MYH15: variants seen among roughly 807,000 people sequenced by gnomAD.
MYH15 encodes myosin heavy chain 15.
MYH15 carries 227 observed loss-of-function variants against 240.5 expected under a neutral mutation model. The ratio of observed to expected loss-of-function variants is 0.94; its 90% CI spans 0.85 to 1.05. The LOEUF (loss-of-function observed/expected upper bound fraction) is 1.05. Ranked by LOEUF, MYH15 falls within the 50% of genes least tolerant of loss-of-function variation. The probability of loss-of-function intolerance (pLI) is 0.00; values close to 1 mark genes in which losing one functional copy is unlikely to be tolerated. For missense variants in MYH15, 2,217 were observed against 2,247.5 expected, an observed-to-expected ratio of 0.99 and a Z score of 0.27; for synonymous variants, 785 against 796.7, an observed-to-expected ratio of 0.99 and a Z score of 0.25.
intron 25 of MYH15, among the ~76,000 whole-genome samples, chr3:108,435,656 C>T (rs1223010653): frequency 6.9e-6 from 1 of 145,690 alleles, no homozygotes; most frequent in South Asian, 2.1e-4. Context: ...CTTTTCAAGG[C>T]TCAATAATAG....
intron 9 of MYH15, among the ~76,000 whole-genome samples, chr3:108,492,201 T>C (rs1010881642): frequency 1.4e-5 from 2 of 148,030 alleles, no homozygotes; most frequent in South Asian, 2.2e-4. Context: ...AATGCTTTTA[T>C]ACACACACAC....
chr3:108,545,115 T>C, the MYH15 span, among the ~76,000 whole-genome samples: 13 of 152,136 alleles, frequency 8.5e-5, no homozygotes, highest in African/African-American at 3.1e-4. Flanking sequence ...ATCTGAAGTA[T>C]GAAAAATGCT....
chr3:108,396,646 C>T (rs2082463735), intron 35 of MYH15, among the ~76,000 whole-genome samples: 1 of 151,962 alleles, frequency 6.6e-6, no homozygotes, highest in Non-Finnish European at 1.5e-5. Flanking sequence ...AGTCTGTAGT[C>T]TATTTTATAA....
Position 108,437,161 on chromosome 3 carries a change from A to G in MYH15, c.3221+393T>C, listed in dbSNP as rs575962980. On this transcript the variant is annotated intron_variant, in intron 25 of 40. Transcript: ENST00000693548. ...CATATATTATTTAAGTAATCTGAGT[A>G]TGTAAGTCTTCACATCAGGATCAAT... Among the ~76,000 whole-genome samples, 201 of 150,526 alleles carry G rather than the reference A, an allele frequency of 1.3e-3. 1 individual carries two copies. Among genetic ancestry groups the G allele is most frequent in the Middle Eastern group, 0.011 (3 of 284 alleles).
chr3:108,515,925 G>A (rs1461921681), intron 1 of MYH15, among the ~76,000 whole-genome samples: 1 of 152,154 alleles, frequency 6.6e-6, no homozygotes, highest in African/African-American at 2.4e-5. Flanking sequence ...CTATTTAGAT[G>A]GTGATCGCTC....
chr3:108,410,063 A>C lies in MYH15; in HGVS notation c.4495+520T>G, dbSNP rs573987819. Among the ~76,000 whole-genome samples the C allele has an allele frequency of 7.5e-3, 359 of 48,182 alleles. 3 individuals are homozygous for C. Among genetic ancestry groups the C allele is most frequent in the Non-Finnish European group, 7.5e-3 (91 of 12,166 alleles). 31.6% of individuals were successfully genotyped at this position (48,182 alleles called of 152,430 possible). ...GGCTCAAATCCCAGATCTGCGACTTATCAAATGTGAATTTGAACAAGTTAC... is the reference window on the plus strand; with the variant it reads ...GGCTCAAATCCCAGATCTGCGACTTCTCAAATGTGAATTTGAACAAGTTAC... On this transcript the variant is annotated intron_variant, in intron 31 of 40. Coordinates refer to ENST00000693548, the MANE Select transcript of MYH15 (RefSeq NM_014981.3).
the MYH15 span, among the ~76,000 whole-genome samples, chr3:108,541,473 A>G: frequency 6.6e-6 from 1 of 151,958 alleles, no homozygotes; most frequent in African/African-American, 2.4e-5. Context: ...AAAAAGATGA[A>G]TAAAAAAAAG....
intron 33 of MYH15, 134 bp from the exon 34 acceptor site, chr3:108,399,401 G>C: frequency 1.4e-6 from 1 of 734,904 alleles, no homozygotes; most frequent in South Asian, 2.1e-5. Flanking sequence ...CTAACAAAAT[G>C]AGTCTAAGTG....
At chr3:108,536,126 G>A in the MYH15 span, among the ~76,000 whole-genome samples, 1 of 152,132 alleles carries the variant, frequency 6.6e-6, no homozygotes, top group Non-Finnish European at 1.5e-5. Context: ...CTAGCCGGGG[G>A]TGGTGGCACA....
chr3:108,495,673 C>G (rs2083384161), intron 7 of MYH15, 107 bp downstream of exon 7: 1 of 643,072 alleles, frequency 1.6e-6, no homozygotes, highest in Non-Finnish European at 2.5e-6. Flanking sequence ...TAATCAAAGA[C>G]CTTCTTTGGT....
At chr3:108,398,511 C>A in intron 35 of MYH15, 126 bp downstream of exon 35, 1 of 857,408 alleles carries the variant, frequency 1.2e-6, no homozygotes, top group African/African-American at 1.9e-5. Flanking sequence ...TATGAACATG[C>A]CTTGCTTCAC....
the MYH15 span, among the ~76,000 whole-genome samples, chr3:108,548,002 C>A: frequency 6.6e-6 from 1 of 152,088 alleles, no homozygotes; most frequent in Admixed American, 6.6e-5. Flanking sequence ...AGAGTCTTTC[C>A]ATGTAATTGC....
At chr3:108,489,447 A>C (rs1392502333) in intron 9 of MYH15, among the ~76,000 whole-genome samples, 1 of 152,242 alleles carries the variant, frequency 6.6e-6, no homozygotes, top group East Asian at 1.9e-4. Context: ...TACAGACGGC[A>C]GTAAGAACTA....
chr3:108,440,935 A>G, intron 23 of MYH15, 83 bp downstream of exon 23: 1 of 1,528,660 alleles, frequency 6.5e-7, no homozygotes, highest in South Asian at 1.2e-5. Context: ...TAACTTGAAT[A>G]GAGCAAGTCA....
In MYH15 at chr3:108,444,172, A is replaced by T. The variant is rs901642091; in HGVS notation, c.2655+468T>A. 7.3e-5 allele frequency among the ~76,000 whole-genome samples: 11 copies of T among 151,716 alleles called. 1 individual carries two copies. Among genetic ancestry groups the T allele is most frequent in the Admixed American group, 7.2e-4 (11 of 15,242 alleles). ...TAATAATAAAATTAATTAATTAATT[A>T]ATTTTTTTAAAAAAAGCTCATTAGT... On this transcript the variant is annotated intron_variant, in intron 22 of 40. Coordinates refer to ENST00000693548, the MANE Select transcript of MYH15 (RefSeq NM_014981.3).
At chr3:108,388,353 T>G (rs1300483496) in intron 38 of MYH15, among the ~76,000 whole-genome samples, 1 of 152,146 alleles carries the variant, frequency 6.6e-6, no homozygotes, top group Non-Finnish European at 1.5e-5. Context: ...ATGATGATAT[T>G]TTTACTTTAG....
At chr3:108,482,163 T>G (rs1163213840) in intron 11 of MYH15, among the ~76,000 whole-genome samples, 1 of 152,100 alleles carries the variant, frequency 6.6e-6, no homozygotes, top group Non-Finnish European at 1.5e-5. Context: ...AGGATGATTC[T>G]GAGATTTGAG....
chr3:108,466,614 A>G (rs1486883000), intron 14 of MYH15, among the ~76,000 whole-genome samples: 2 of 152,134 alleles, frequency 1.3e-5, no homozygotes, highest in East Asian at 3.9e-4. Flanking sequence ...CTTATACCTG[A>G]GTAACGGGTT....
In MYH15 at chr3:108,454,090, C is replaced by A. The variant is rs1224172652; in HGVS notation, c.2315G>T (p.Arg772Ile). Reference protein sequence around the residue: ...LGQLEAIRDERLSKVFTLFQA... With the variant: ...LGQLEAIRDEILSKVFTLFQA... ...GAACAATGTGAAGACTTTAGATAGT[C>A]TCTCATCTCTTATTGCTTCCAGTTG... is the stretch of plus-strand genomic sequence containing the variant. Residue 772 changes from arginine to isoleucine, a missense_variant, in exon 21 of 41, where the codon AGA (arginine) becomes ATA (isoleucine). By Grantham distance (97) the Arg-to-Ile change is moderately conservative. Coordinates refer to ENST00000693548, the MANE Select transcript of MYH15 (RefSeq NM_014981.3). 1 of 1,612,278 alleles carries A rather than the reference C, an allele frequency of 6.2e-7. No homozygotes were observed. Among genetic ancestry groups the A allele is most frequent in the Non-Finnish European group, 8.5e-7 (1 of 1,178,878 alleles).
Sources: allele counts gnomAD v4.1 joint callset (sites outside exome capture counted in the v4.1 genomes callset), GRCh38; gene constraint gnomAD v4.1.1; transcripts MANE v1.5; gene names NCBI Gene and HGNC (gene_info 2026-07-23, HGNC 2026-07-21).